The following SULF1 variants were observed in gnomAD, a reference collection of about 807,000 sequenced individuals.
SULF1 encodes the protein sulfatase 1, also known as extracellular sulfatase Sulf-1.
Under a neutral mutation model 110.5 loss-of-function variants are expected in SULF1, and 46 were observed. That is an observed-to-expected ratio of 0.42 (90% CI 0.33 to 0.53). SULF1 has a LOEUF of 0.53. SULF1 is among the 20% of genes least tolerant of loss of function. SULF1 has a pLI of 0.12. For synonymous variants in SULF1, 371 were observed against 387.1 expected, an observed-to-expected ratio of 0.96 and a Z score of 0.49; for missense variants, 941 against 1,094.2, an observed-to-expected ratio of 0.86 and a Z score of 1.98.
chr8:69,521,035 C>A (rs980048040), intron 3 of SULF1, among the ~76,000 whole-genome samples: 1 of 152,124 alleles, frequency 6.6e-6, no homozygotes, highest in Non-Finnish European at 1.5e-5. Flanking sequence ...CTGCTTGGAA[C>A]CTATTCTAAT....
intron 3 of SULF1, among the ~76,000 whole-genome samples, chr8:69,558,866 AAT>A (rs1815291487): frequency 6.6e-6 from 1 of 152,184 alleles, no homozygotes; most frequent in Admixed American, 6.5e-5. Flanking sequence ...AAAATTTTCA[AAT>A]ATTTGATTCT....
chr8:69,640,745 A>G, intron 21 of SULF1, 63 bp from the exon 22 acceptor site: 1 of 1,415,874 alleles, frequency 7.1e-7, no homozygotes. Flanking sequence ...GAAAAACTAT[A>G]TAGTGAATGG....
intron 6 of SULF1, among the ~76,000 whole-genome samples, chr8:69,579,394 C>T (rs557952405): frequency 1.3e-5 from 2 of 151,634 alleles, no homozygotes; most frequent in South Asian, 4.2e-4. Flanking sequence ...ACTGAAAATA[C>T]AGAAATTAGC....
chr8:69,647,200 C>T (rs1219709785), intron 22 of SULF1, among the ~76,000 whole-genome samples: 4 of 151,678 alleles, frequency 2.6e-5, no homozygotes, highest in Non-Finnish European at 4.4e-5. Context: ...ACCTCAGCCT[C>T]CCAAAGTGCT....
At chr8:69,529,152 C>T (rs1346604219) in intron 3 of SULF1, among the ~76,000 whole-genome samples, 1 of 152,084 alleles carries the variant, frequency 6.6e-6, no homozygotes, top group Non-Finnish European at 1.5e-5. Flanking sequence ...TCACAGCTAG[C>T]AAAGGGGCAG....
chr8:69,489,237 T>G (rs1809817988), upstream of SULF1, among the ~76,000 whole-genome samples: 1 of 152,206 alleles, frequency 6.6e-6, no homozygotes, highest in South Asian at 2.1e-4. Flanking sequence ...TCCACACCTA[T>G]TTTGTCTCAC....
Position 69,659,249 on chromosome 8 carries a change from TG to T in SULF1, c.*716del, listed in dbSNP as rs1230570231. 1 of 453,798 alleles carries T rather than the reference TG, an allele frequency of 2.2e-6. No homozygotes were observed. Among genetic ancestry groups the T allele is most frequent in the Non-Finnish European group, 4.4e-6 (1 of 225,934 alleles). 28.1% of individuals were successfully genotyped at this position (453,798 alleles called of 1,614,324 possible). On this transcript the variant is annotated 3_prime_UTR_variant, in exon 23 of 23. Transcript: ENST00000402687. ...ATAGCGGGGAAGATGTTGACCAAGG[TG>T]GAGAAGAATCACGAAAAGGAGAAGT...
intron 22 of SULF1, 52 bp downstream of exon 22, chr8:69,640,893 G>T: frequency 6.4e-7 from 1 of 1,561,696 alleles, no homozygotes; most frequent in Non-Finnish European, 8.7e-7. Context: ...ATAATTGCAT[G>T]ATCCAGTGGT....
At chr8:69,489,571 C>CTTTTTTTT (rs61391745), upstream of SULF1, among the ~76,000 whole-genome samples, 10 of 91,950 alleles carry the variant, frequency 1.1e-4, no homozygotes, top group Admixed American at 2.5e-4. Flanking sequence ...CTTTCTTTCT[C>CTTTTTTTT]TTTTTTTTTT....
intron 1 of SULF1, among the ~76,000 whole-genome samples, chr8:69,484,517 C>A (rs1809621939): frequency 6.6e-6 from 1 of 152,178 alleles, no homozygotes; most frequent in African/African-American, 2.4e-5. Context: ...CCCAGAAAAA[C>A]AAATAAATGA....
Position 69,605,056 on chromosome 8 carries a change from G to A in SULF1, c.1377+124G>A, listed in dbSNP as rs1808132504. 5 of 1,357,842 alleles carry A rather than the reference G, an allele frequency of 3.7e-6. No homozygotes were observed. In the South Asian group the frequency reaches 4.3e-5, roughly 12 times the overall value. 84.1% of individuals were successfully genotyped at this position (1,357,842 alleles called of 1,614,324 possible). On this transcript the variant is annotated intron_variant, in intron 13 of 22. Transcript: ENST00000402687. ...TAAGCTTTTCCTAGTGGCCTTGAGG[G>A]CAAGCTCACTGAGACACCTCTCCGC...
Position 69,628,246 on chromosome 8 carries a change from T to C in SULF1, c.2108+10T>C, listed in dbSNP as rs746786816. ...ATCTTCACCCATTCAAGTAAGTAACTCTCTGTTTTCCACATTTGCTGGGAG... is the reference window on the plus strand; with the variant it reads ...ATCTTCACCCATTCAAGTAAGTAACCCTCTGTTTTCCACATTTGCTGGGAG... On this transcript the variant is annotated intron_variant, in intron 18 of 22. Coordinates refer to ENST00000402687, the MANE Select transcript of SULF1 (RefSeq NM_001128205.2). 25 of 1,608,568 alleles carry C rather than the reference T, an allele frequency of 1.6e-5. No homozygotes were observed. The highest frequency in any genetic ancestry group is 2.0e-5 in the Non-Finnish European group (24 of 1,178,146).
intron 3 of SULF1, among the ~76,000 whole-genome samples, chr8:69,513,685 G>A (rs1811729084): frequency 6.6e-6 from 1 of 152,188 alleles, no homozygotes; most frequent in African/African-American, 2.4e-5. Flanking sequence ...TGAATCCCAG[G>A]GGGTGAAAAG....
At chr8:69,648,423 A>G (rs1812092890) in intron 22 of SULF1, among the ~76,000 whole-genome samples, 1 of 152,192 alleles carries the variant, frequency 6.6e-6, no homozygotes. Context: ...TTTGCTACTG[A>G]GCACAGGTAC....
intron 5 of SULF1, 105 bp from the exon 6 acceptor site, chr8:69,575,860 TAAGGA>T: frequency 7.5e-7 from 1 of 1,330,992 alleles, no homozygotes; most frequent in Non-Finnish European, 1.0e-6. Context: ...TCCTTTAAGC[TAAGGA>T]AAGGAAATGA....
At chr8:69,528,079 C>G (rs1318887136) in intron 3 of SULF1, among the ~76,000 whole-genome samples, 1 of 152,194 alleles carries the variant, frequency 6.6e-6, no homozygotes, top group Non-Finnish European at 1.5e-5. Context: ...TGCACAGTCT[C>G]TATCTTCCTC....
intron 3 of SULF1, among the ~76,000 whole-genome samples, chr8:69,554,045 T>G (rs1246699537): frequency 6.6e-6 from 1 of 152,234 alleles, no homozygotes; most frequent in Admixed American, 6.5e-5. Context: ...AAATATGCAT[T>G]GTTTGAAATG....
At chr8:69,477,800 CCTT>C (rs1419802078) in intron 1 of SULF1, among the ~76,000 whole-genome samples, 1 of 152,122 alleles carries the variant, frequency 6.6e-6, no homozygotes, top group Non-Finnish European at 1.5e-5. Flanking sequence ...GCATTATTCT[CCTT>C]CTTTACTGGC....
intron 6 of SULF1, among the ~76,000 whole-genome samples, chr8:69,586,015 A>G (rs569106476): frequency 1.3e-5 from 2 of 152,308 alleles, no homozygotes; most frequent in South Asian, 2.1e-4. Flanking sequence ...ATCTCACGCT[A>G]CTTCTCTGAT....
Sources: gnomAD v4.1 joint callset for allele counts (sites outside exome capture counted in the v4.1 genomes callset) on GRCh38, gnomAD v4.1.1 for gene constraint, MANE v1.5 for transcripts, NCBI Gene and HGNC (gene_info 2026-07-23, HGNC 2026-07-21) for gene names.